The following FANCC variants were observed in gnomAD, a reference collection of about 807,000 sequenced individuals.
FANCC encodes FA complementation group C.
FANCC carries 55 observed loss-of-function variants against 71.3 expected under a neutral mutation model. The observed-to-expected ratio is 0.77, with a 90% CI of 0.62 to 0.97. FANCC has a LOEUF of 0.97. Among genes scored for constraint, FANCC ranks in the 50% least tolerant of loss-of-function variants. The pLI is 0.00. For synonymous variants in FANCC, 275 were observed against 244.9 expected, an observed-to-expected ratio of 1.12 and a Z score of -1.15; for missense variants, 678 against 670.9, an observed-to-expected ratio of 1.01 and a Z score of -0.12.
intron 1 of FANCC, among the ~76,000 whole-genome samples, chr9:95,280,794 A>G (rs1004780703): frequency 1.3e-5 from 2 of 152,212 alleles, no homozygotes; most frequent in Non-Finnish European, 2.9e-5. Context: ...AATTTGGCTA[A>G]CTTCAATAAA....
chr9:95,109,192 A>G (rs1336166477), intron 13 of FANCC, among the ~76,000 whole-genome samples: 1 of 152,224 alleles, frequency 6.6e-6, no homozygotes, highest in Non-Finnish European at 1.5e-5. Context: ...GATTACAGGC[A>G]TGAACCACCA....
chr9:95,103,063 CT>C (rs1442193919), intron 14 of FANCC, among the ~76,000 whole-genome samples: 7 of 152,274 alleles, frequency 4.6e-5, no homozygotes, highest in Admixed American at 2.6e-4. Flanking sequence ...TAGATGCAGC[CT>C]GTCCTTCATC....
intron 4 of FANCC, among the ~76,000 whole-genome samples, chr9:95,200,951 T>C (rs769370842): frequency 1.3e-5 from 2 of 152,174 alleles, no homozygotes; most frequent in Non-Finnish European, 2.9e-5. Flanking sequence ...TTCAGACAGA[T>C]AAAAAGCACT....
chr9:95,317,308 C>G (rs1300617113), intron 1 of FANCC: 1 of 125,650 alleles, frequency 8.0e-6, no homozygotes, highest in African/African-American at 2.9e-5. Context: ...CGCCCGCCAC[C>G]TTCCGCCTCC....
At chr9:95,203,204 C>T (rs1827903823) in intron 4 of FANCC, among the ~76,000 whole-genome samples, 1 of 151,930 alleles carries the variant, frequency 6.6e-6, no homozygotes, top group Non-Finnish European at 1.5e-5. Context: ...CAAGACCAGC[C>T]TGGGCAACAT....
At chr9:95,151,844 C>T (rs925167154) in intron 6 of FANCC, among the ~76,000 whole-genome samples, 1 of 151,666 alleles carries the variant, frequency 6.6e-6, no homozygotes, top group Non-Finnish European at 1.5e-5. Context: ...GGGAGGGTTG[C>T]TTGAGCCCAA....
chr9:95,139,809 C>T (rs1009475425), intron 7 of FANCC, among the ~76,000 whole-genome samples: 3 of 144,636 alleles, frequency 2.1e-5, no homozygotes, highest in Non-Finnish European at 3.0e-5. Flanking sequence ...TATTGTTTGA[C>T]CTGACAAAAT....
Position 95,146,487 on chromosome 9 carries a change from CAAA to C in FANCC, c.686+3433_686+3435del, listed in dbSNP as rs61093923. ...TATGTGACAGAGTGAGACCCCATCTCAAAAAAAAAAAAAAAAAAAAAAAAATTG... is the reference window on the plus strand; with the variant it reads ...TATGTGACAGAGTGAGACCCCATCTCAAAAAAAAAAAAAAAAAAAAAATTG... On this transcript the variant is annotated intron_variant, in intron 7 of 14. Transcript: ENST00000289081. Among the ~76,000 whole-genome samples, 26 of 45,552 alleles carry C rather than the reference CAAA, an allele frequency of 5.7e-4. No individual in the cohort carries two copies. In the East Asian group the frequency reaches 0.015, roughly 26 times the overall value. The allele number at this position is 45,552 out of a possible 152,430, so 29.9% of individuals were successfully genotyped here. A position where few individuals can be genotyped will look rare whatever the true frequency, so the allele number is the denominator to read the frequency against.
At chr9:95,189,481 CT>C (rs1346003601) in intron 4 of FANCC, among the ~76,000 whole-genome samples, 1 of 152,078 alleles carries the variant, frequency 6.6e-6, no homozygotes, top group Admixed American at 6.5e-5. Flanking sequence ...AAGTCTGCAG[CT>C]TTTACTTTTG....
intron 4 of FANCC, among the ~76,000 whole-genome samples, chr9:95,205,562 T>TAA (rs553321518): frequency 7.0e-6 from 1 of 143,472 alleles, no homozygotes; most frequent in Non-Finnish European, 1.5e-5. Flanking sequence ...AGTTTTTCTT[T>TAA]AAAAAAAAAA....
At chr9:95,288,144 G>A (rs1833793447) in intron 1 of FANCC, among the ~76,000 whole-genome samples, 2 of 152,120 alleles carry the variant, frequency 1.3e-5, no homozygotes, top group South Asian at 2.1e-4. Flanking sequence ...ATTAATAAGT[G>A]GAATAATTAT....
intron 4 of FANCC, among the ~76,000 whole-genome samples, chr9:95,198,823 C>T (rs1364948193): frequency 1.3e-5 from 2 of 152,118 alleles, no homozygotes; most frequent in African/African-American, 2.4e-5. Flanking sequence ...TTACAGCCTC[C>T]ACCTCCTGGG....
At chr9:95,169,843 G>A (rs896458140) in intron 6 of FANCC, among the ~76,000 whole-genome samples, 1 of 152,120 alleles carries the variant, frequency 6.6e-6, no homozygotes, top group Non-Finnish European at 1.5e-5. Context: ...CCTGAAGAAC[G>A]CCTTTAATGT....
At chr9:95,295,299 T>C (rs1588431760) in intron 1 of FANCC, among the ~76,000 whole-genome samples, 2 of 152,100 alleles carry the variant, frequency 1.3e-5, no homozygotes, top group Admixed American at 6.6e-5. Context: ...TGAGAAGGTG[T>C]TAATATCCAG....
intron 7 of FANCC, among the ~76,000 whole-genome samples, chr9:95,144,885 A>G (rs1280252938): frequency 1.3e-5 from 2 of 152,182 alleles, no homozygotes; most frequent in East Asian, 1.9e-4. Flanking sequence ...TTTACTCAGT[A>G]TCTCACATAA....
At position 95,153,922 on chromosome 9, in the gene FANCC, T is replaced by G. The variant is rs117661011; in HGVS notation, c.522-3835A>C. The stretch of plus-strand genomic sequence containing the variant: ...TTCTTTAGTACTTCAATGTGTTGTT[T>G]GTTGTTCAATACAAACTATAACATC... On this transcript the variant is annotated intron_variant, in intron 6 of 14. Transcript: ENST00000289081. Among the ~76,000 whole-genome samples, 508 of 152,306 alleles carry G rather than the reference T, an allele frequency of 3.3e-3. 9 individuals carry two copies. The East Asian group carries it at 0.044, about 13-fold the overall frequency.
intron 8 of FANCC, 67 bp from the exon 9 acceptor site, chr9:95,126,648 C>T: frequency 6.5e-7 from 1 of 1,530,814 alleles, no homozygotes; most frequent in Non-Finnish European, 9.0e-7. Context: ...TTGCTATTAT[C>T]AGCCAAAGGA....
At chr9:95,185,262 C>T (rs570849566) in intron 4 of FANCC, among the ~76,000 whole-genome samples, 2 of 152,134 alleles carry the variant, frequency 1.3e-5, no homozygotes, top group South Asian at 2.1e-4. Flanking sequence ...GAATAATCTA[C>T]AATCGAAATG....
intron 1 of FANCC, among the ~76,000 whole-genome samples, chr9:95,282,675 T>C (rs1056919312): frequency 2.2e-4 from 33 of 152,314 alleles, no homozygotes; most frequent in African/African-American, 7.7e-4. Context: ...GTATAAATCA[T>C]ATGTTAGGCC....
Sources: gnomAD v4.1 joint callset for allele counts (sites outside exome capture counted in the v4.1 genomes callset) on GRCh38, gnomAD v4.1.1 for gene constraint, MANE v1.5 for transcripts, NCBI Gene and HGNC (gene_info 2026-07-23, HGNC 2026-07-21) for gene names.